The following ZBTB20 variants were observed in gnomAD, a reference collection of about 807,000 sequenced individuals.
ZBTB20 encodes the protein zinc finger and BTB domain-containing protein 20.
A neutral mutation model predicts 56.9 loss-of-function variants in ZBTB20; 9 were observed. The observed-to-expected ratio is 0.16, with a 90% confidence interval of 0.10 to 0.28. The LOEUF (loss-of-function observed/expected upper bound fraction) is 0.28. Ranked by LOEUF, ZBTB20 falls within the 10% of genes least tolerant of loss-of-function variation. The probability of loss-of-function intolerance (pLI) is 1.00; values close to 1 mark genes in which losing one functional copy is unlikely to be tolerated. For missense variants in ZBTB20, 655 were observed against 1,003.0 expected, an observed-to-expected ratio of 0.65 and a Z score of 4.69; for synonymous variants, 417 against 420.7, an observed-to-expected ratio of 0.99 and a Z score of 0.11.
At chr3:114,722,395 CTT>C (rs2064980070) in intron 5 of ZBTB20, among the ~76,000 whole-genome samples, 1 of 152,110 alleles carries the variant, frequency 6.6e-6, no homozygotes, top group African/African-American at 2.4e-5. Context: ...ACCCCTTTCT[CTT>C]TGTTTAACTT....
intron 11 of ZBTB20, among the ~76,000 whole-genome samples, chr3:114,341,597 T>C (rs1392159549): frequency 2.6e-5 from 4 of 152,250 alleles, no homozygotes; most frequent in Non-Finnish European, 4.4e-5. Context: ...GAAGACTTTA[T>C]TTTCACACTC....
Position 114,324,857 on chromosome 3 carries a change from G to T in ZBTB20, c.*14148C>A, listed in dbSNP as rs2079011174. The T allele has an allele frequency of 6.6e-6, 1 of 152,092 alleles. No individual in the cohort carries two copies. Among genetic ancestry groups the T allele is most frequent in the Admixed American group, 6.6e-5 (1 of 15,264 alleles). 9.4% of individuals were successfully genotyped at this position (152,092 alleles called of 1,614,324 possible). On this transcript the variant is annotated 3_prime_UTR_variant, in exon 12 of 12. Coordinates refer to ENST00000675478, the MANE Select transcript of ZBTB20 (RefSeq NM_001348800.3). ...GAATCCGTTTCTTCAGTTTGTCTGGGTCTTCACCCTCCAAAGGTAAGTCTG... is the reference window on the plus strand; with the variant it reads ...GAATCCGTTTCTTCAGTTTGTCTGGTTCTTCACCCTCCAAAGGTAAGTCTG...
At chr3:114,924,099 T>C (rs2076061429) in intron 3 of ZBTB20, among the ~76,000 whole-genome samples, 1 of 152,140 alleles carries the variant, frequency 6.6e-6, no homozygotes, top group Non-Finnish European at 1.5e-5. Flanking sequence ...TTGTCCACTG[T>C]AGGTGGGAAT....
At chr3:114,549,107 G>T (rs1521264) in intron 6 of ZBTB20, among the ~76,000 whole-genome samples, 1 of 152,040 alleles carries the variant, frequency 6.6e-6, no homozygotes, top group Admixed American at 6.5e-5. Flanking sequence ...TCTATATAAC[G>T]GCAGATGCTC....
intron 7 of ZBTB20, among the ~76,000 whole-genome samples, chr3:114,490,534 T>G (rs994848081): frequency 2.0e-5 from 3 of 152,126 alleles, no homozygotes; most frequent in Non-Finnish European, 2.9e-5. Context: ...TTCCTTCCTC[T>G]TCTTTCCATC....
At position 114,877,769 on chromosome 3, in the gene ZBTB20, A is replaced by G. The variant is rs148625048; in HGVS notation, c.-417+22535T>C. Among the ~76,000 whole-genome samples the G allele has an allele frequency of 5.9e-5, 9 of 152,292 alleles. 1 individual carries two copies. Among genetic ancestry groups the G allele is most frequent in the South Asian group, 2.1e-4 (1 of 4,816 alleles). ...GTAGCCTTACATTTTCTTTTACACA[A>G]TACACCTGCTTTTTTTTCTAAACTA... On this transcript the variant is annotated intron_variant, in intron 4 of 11. Transcript: ENST00000675478.
intron 5 of ZBTB20, among the ~76,000 whole-genome samples, chr3:114,736,358 A>AT (rs995671010): frequency 6.6e-6 from 1 of 152,054 alleles, no homozygotes; most frequent in Admixed American, 6.6e-5. Flanking sequence ...TCTTTTGGTT[A>AT]TTTTTTTAAT....
At chr3:114,734,834 C>T (rs2108560838) in intron 5 of ZBTB20, among the ~76,000 whole-genome samples, 1 of 152,112 alleles carries the variant, frequency 6.6e-6, no homozygotes, top group African/African-American at 2.4e-5. Flanking sequence ...AAGGTGGGAA[C>T]CAAGCCTAGA....
intron 3 of ZBTB20, among the ~76,000 whole-genome samples, chr3:114,916,141 A>T (rs572722052): frequency 6.6e-6 from 1 of 152,204 alleles, no homozygotes; most frequent in African/African-American, 2.4e-5. Flanking sequence ...CATTGCTGAA[A>T]GTGGGATGTT....
intron 4 of ZBTB20, among the ~76,000 whole-genome samples, chr3:114,828,532 T>C (rs1307380130): frequency 6.6e-6 from 1 of 151,876 alleles, no homozygotes; most frequent in African/African-American, 2.4e-5. Flanking sequence ...ATTTGTTTAT[T>C]AGAAGATTAA....
At chr3:114,725,268 A>G (rs1332634199) in intron 5 of ZBTB20, among the ~76,000 whole-genome samples, 1 of 152,226 alleles carries the variant, frequency 6.6e-6, no homozygotes, top group African/African-American at 2.4e-5. Context: ...TCTTCAATTA[A>G]ATATGCCTTC....
intron 3 of ZBTB20, among the ~76,000 whole-genome samples, chr3:114,968,072 C>T (rs1318151750): frequency 6.6e-6 from 1 of 151,982 alleles, no homozygotes; most frequent in Non-Finnish European, 1.5e-5. Context: ...TACCAATGTA[C>T]TATGCATAAA....
chr3:115,043,690 G>A (rs1479974594), intron 2 of ZBTB20, among the ~76,000 whole-genome samples: 1 of 151,872 alleles, frequency 6.6e-6, no homozygotes, highest in African/African-American at 2.4e-5. Context: ...ACATATAGGA[G>A]TAGAATTTTG....
chr3:115,048,687 A>AG lies in ZBTB20; in HGVS notation c.-507+22531dup, dbSNP rs144359961. Among the ~76,000 whole-genome samples, 1,026 of 152,342 alleles carry AG rather than the reference A, an allele frequency of 6.7e-3. 12 individuals carry two copies. Among genetic ancestry groups the AG allele is most frequent in the African/African-American group, 0.023 (976 of 41,578 alleles). The stretch of plus-strand genomic sequence containing the variant: ...TTTATGTATTAAGGACTATTGCAAA[A>AG]GTCATCCATTAGTCTTTTCTTACAC... On this transcript the variant is annotated intron_variant, in intron 2 of 11. Coordinates refer to ENST00000675478, the MANE Select transcript of ZBTB20 (RefSeq NM_001348800.3).
At chr3:115,059,163 T>C (rs990853660) in intron 2 of ZBTB20, among the ~76,000 whole-genome samples, 3 of 152,204 alleles carry the variant, frequency 2.0e-5, no homozygotes, top group Admixed American at 1.3e-4. Flanking sequence ...CTGAACGTTT[T>C]TTCATTGGTA....
intron 6 of ZBTB20, among the ~76,000 whole-genome samples, chr3:114,582,707 A>G (rs1055241819): frequency 2.0e-5 from 3 of 152,196 alleles, no homozygotes; most frequent in African/African-American, 7.2e-5. Flanking sequence ...ACATTAGAAA[A>G]TGTATAAGGC....
At chr3:114,789,149 G>A (rs2070763771) in intron 5 of ZBTB20, among the ~76,000 whole-genome samples, 1 of 152,102 alleles carries the variant, frequency 6.6e-6, no homozygotes, top group South Asian at 2.1e-4. Flanking sequence ...GATCTAAAGA[G>A]CAATTGTATA....
chr3:114,756,889 C>G (rs546661256), intron 5 of ZBTB20, among the ~76,000 whole-genome samples: 2 of 152,150 alleles, frequency 1.3e-5, no homozygotes, highest in East Asian at 3.9e-4. Flanking sequence ...GATTTTTGTT[C>G]TTTTATTAAT....
At chr3:114,813,218 T>C (rs2108887028) in intron 4 of ZBTB20, among the ~76,000 whole-genome samples, 1 of 152,336 alleles carries the variant, frequency 6.6e-6, no homozygotes, top group South Asian at 2.1e-4. Context: ...TCACCTCTTA[T>C]AAGGTTATCA....
Sources: allele counts gnomAD v4.1 joint callset (sites outside exome capture counted in the v4.1 genomes callset), GRCh38; gene constraint gnomAD v4.1.1; transcripts MANE v1.5; gene names NCBI Gene and HGNC (gene_info 2026-07-23, HGNC 2026-07-21).